The following ADRA1B variants were observed in gnomAD, a reference collection of about 807,000 sequenced individuals.
ADRA1B encodes the protein adrenoceptor alpha 1B.
A neutral mutation model predicts 17.9 loss-of-function variants in ADRA1B; 17 were observed. The ratio of observed to expected loss-of-function variants is 0.95; its 90% CI spans 0.65 to 1.42. The LOEUF is 1.42. ADRA1B is among the 40% of genes most tolerant of loss of function. ADRA1B has a pLI of 0.00. For synonymous variants in ADRA1B, 366 were observed against 327.6 expected (o/e 1.12, Z -1.27); for missense variants, 681 against 722.1 (o/e 0.94, Z 0.65).
chr5:159,893,938 A>G (rs898582097), intron 1 of ADRA1B, among the ~76,000 whole-genome samples: 1 of 152,216 alleles, frequency 6.6e-6, no homozygotes, highest in Non-Finnish European at 1.5e-5. Context: ...GCCTCTCTGC[A>G]TAGTGTGTCC....
chr5:159,917,487 G>A lies in ADRA1B; in HGVS notation c.582G>A (p.Glu194=). The change falls in exon 1 of 2, where the codon GAG becomes GAA. Residue 194 remains glutamate (E), a synonymous_variant. Coordinates refer to ENST00000306675, the MANE Select transcript of ADRA1B (RefSeq NM_000679.4). ...WKEPAPNDDK[E]CGVTEEPFYA... ...AGCCGGCACCCAACGATGACAAGGA[G>A]TGCGGGGTCACCGAAGAACCCTTCT... 1 of 1,614,096 alleles carries A rather than the reference G, an allele frequency of 6.2e-7. No individual in the cohort carries two copies. Among genetic ancestry groups the A allele is most frequent in the East Asian group, 2.2e-5 (1 of 44,876 alleles).
chr5:159,891,127 GA>G (rs918886543), intron 1 of ADRA1B, among the ~76,000 whole-genome samples: 1 of 152,056 alleles, frequency 6.6e-6, no homozygotes, highest in African/African-American at 2.4e-5. Flanking sequence ...TTCTTCTGAA[GA>G]AAAACAAATA....
At chr5:159,967,490 T>G (rs1346795582) in intron 1 of ADRA1B, among the ~76,000 whole-genome samples, 1 of 152,234 alleles carries the variant, frequency 6.6e-6, no homozygotes, top group East Asian at 1.9e-4. Flanking sequence ...AGACTCTGTG[T>G]CAAGTATTTT....
chr5:159,872,837 C>T (rs1246692186), intron 1 of ADRA1B, among the ~76,000 whole-genome samples: 2 of 152,036 alleles, frequency 1.3e-5, no homozygotes, highest in South Asian at 2.1e-4. Context: ...ATACATGTGC[C>T]GTGGTGGTTT....
chr5:159,882,137 G>A (rs1312241894), intron 1 of ADRA1B, among the ~76,000 whole-genome samples: 1 of 152,156 alleles, frequency 6.6e-6, no homozygotes, highest in Non-Finnish European at 1.5e-5. Flanking sequence ...GTAGGGAGGG[G>A]ATGAAGAGGA....
rs537927866 is a variant in ADRA1B at position 159,963,239 on chromosome 5, T to C, written c.950-8640T>C. ...TCCAGTACACACCCTCCCAGACCTTTCTATACATGAGCATTATGTTGAGAC... is the reference window on the plus strand; with the variant it reads ...TCCAGTACACACCCTCCCAGACCTTCCTATACATGAGCATTATGTTGAGAC... On this transcript the variant is annotated intron_variant, in intron 1 of 1. Transcript: ENST00000306675. Among the ~76,000 whole-genome samples the C allele has an allele frequency of 1.4e-4, 21 of 149,534 alleles. No individual in the cohort carries two copies. In the East Asian group the frequency reaches 4.2e-3, roughly 30 times the overall value.
intron 1 of ADRA1B, among the ~76,000 whole-genome samples, chr5:159,866,295 GAAAAAAA>G (rs34220518): frequency 1.1e-5 from 1 of 90,224 alleles, no homozygotes; most frequent in Non-Finnish European, 2.2e-5. Context: ...AACATAGTGA[GAAAAAAA>G]AAAAAAAAAA....
intron 1 of ADRA1B, among the ~76,000 whole-genome samples, chr5:159,926,281 G>A (rs1561595185): frequency 1.3e-5 from 2 of 152,072 alleles, no homozygotes; most frequent in African/African-American, 4.8e-5. Context: ...TTCTCGCGAA[G>A]TCTTCCTGGA....
At chr5:159,924,313 C>T (rs1221652365) in intron 1 of ADRA1B, among the ~76,000 whole-genome samples, 1 of 152,012 alleles carries the variant, frequency 6.6e-6, no homozygotes, top group Admixed American at 6.6e-5. Flanking sequence ...GTGTTGATAT[C>T]CTACTTGGCA....
chr5:159,974,800 A>G (rs913147489), downstream of ADRA1B, among the ~76,000 whole-genome samples: 33 of 152,220 alleles, frequency 2.2e-4, no homozygotes, highest in African/African-American at 7.9e-4. Flanking sequence ...CTCACTATCC[A>G]TGGTTTATAT....
At chr5:159,968,552 G>T (rs1755814184) in intron 1 of ADRA1B, among the ~76,000 whole-genome samples, 1 of 152,138 alleles carries the variant, frequency 6.6e-6, no homozygotes, top group African/African-American at 2.4e-5. Flanking sequence ...TCGAACTCCT[G>T]GTCTCAAGCG....
At chr5:159,954,594 C>A (rs1208022045) in intron 1 of ADRA1B, among the ~76,000 whole-genome samples, 2 of 152,038 alleles carry the variant, frequency 1.3e-5, no homozygotes, top group Non-Finnish European at 2.9e-5. Flanking sequence ...GAGGAGGCCA[C>A]CAAGGGAAAT....
chr5:159,885,886 ATAT>A, intron 1 of ADRA1B, among the ~76,000 whole-genome samples: 1 of 152,180 alleles, frequency 6.6e-6, no homozygotes, highest in Admixed American at 6.5e-5. Context: ...TCTGAGAACA[ATAT>A]TATTATTATC....
At chr5:159,881,315 CT>C (rs1753860829) in intron 1 of ADRA1B, among the ~76,000 whole-genome samples, 1 of 150,208 alleles carries the variant, frequency 6.7e-6, no homozygotes. Flanking sequence ...CTCTCTCTCT[CT>C]CTCTCTCTCT....
Position 159,917,544 on chromosome 5 carries a change from C to T in ADRA1B, c.639C>T (p.Tyr213=). ...YALFSSLGSF[Y]IPLAVILVMY... is the part of the protein sequence containing the mutation. ...TCTTCTCCTCTCTGGGCTCCTTCTA[C>T]ATCCCTCTGGCGGTCATTCTAGTCA... The change falls in exon 1 of 2, where the codon TAC becomes TAT. Residue 213 remains tyrosine, a synonymous_variant. Coordinates refer to ENST00000306675, the MANE Select transcript of ADRA1B (RefSeq NM_000679.4). 6.2e-6 allele frequency: 10 copies of T among 1,614,106 alleles called. No individual in the cohort carries two copies. Among genetic ancestry groups the T allele is most frequent in the Non-Finnish European group, 7.6e-6 (9 of 1,179,996 alleles).
intron 1 of ADRA1B, among the ~76,000 whole-genome samples, chr5:159,883,915 A>T (rs1239537486): frequency 6.6e-6 from 1 of 152,210 alleles, no homozygotes; most frequent in African/African-American, 2.4e-5. Context: ...ATTGTTATCT[A>T]CACTATGAGG....
chr5:159,887,574 T>C (rs1270856060), intron 1 of ADRA1B, among the ~76,000 whole-genome samples: 1 of 152,234 alleles, frequency 6.6e-6, no homozygotes, highest in Non-Finnish European at 1.5e-5. Flanking sequence ...CCCAGACTTC[T>C]AAATCAAGTG....
In ADRA1B at chr5:159,951,542, T is replaced by C. The variant is rs1254074468; in HGVS notation, c.950-20337T>C. ...CTGGCAATGCACGAGAAGATGCAGC[T>C]GTCTGTCGAACGGGAGGAGCAGAGA... On this transcript the variant is annotated intron_variant, in intron 1 of 1. Coordinates refer to ENST00000306675, the MANE Select transcript of ADRA1B (RefSeq NM_000679.4). 4.5e-5 allele frequency: 27 copies of C among 601,940 alleles called. No individual in the cohort carries two copies. In the Admixed American group the frequency reaches 5.8e-4, roughly 13 times the overall value. The allele number at this position is 601,940 out of a possible 1,614,324, so 37.3% of individuals were successfully genotyped here.
chr5:159,973,574 G>T (rs1421491177), downstream of ADRA1B, among the ~76,000 whole-genome samples: 1 of 152,160 alleles, frequency 6.6e-6, no homozygotes, highest in African/African-American at 2.4e-5. Context: ...AACTGCAGAC[G>T]TTTCTGGATA....
Sources: allele counts gnomAD v4.1 joint callset (sites outside exome capture counted in the v4.1 genomes callset), GRCh38; gene constraint gnomAD v4.1.1; transcripts MANE v1.5; gene names NCBI Gene and HGNC (gene_info 2026-07-23, HGNC 2026-07-21).